The following ROBO2 variants were observed in gnomAD, a reference collection of about 807,000 sequenced individuals.
The protein encoded by ROBO2 is roundabout guidance receptor 2.
A neutral mutation model predicts 160.8 loss-of-function variants in ROBO2; 53 were observed. The observed-to-expected ratio is 0.33, with a 90% CI of 0.26 to 0.41. The LOEUF is 0.41. ROBO2 is among the 10% of genes least tolerant of loss of function. The pLI, the probability that ROBO2 is intolerant of heterozygous loss-of-function variation, is 1.00. For synonymous variants in ROBO2, 664 were observed against 611.7 expected, an observed-to-expected ratio of 1.09 and a Z score of -1.26; for missense variants, 1,577 against 1,722.4, an observed-to-expected ratio of 0.92 and a Z score of 1.49.
chr3:76,215,062 G>A (rs1407861387), intron 2 of ROBO2, among the ~76,000 whole-genome samples: 2 of 152,156 alleles, frequency 1.3e-5, no homozygotes, highest in Admixed American at 1.3e-4. Flanking sequence ...GGTCTGGAGT[G>A]GACCTCCAGC....
At chr3:76,087,876 A>G (rs577411740) in intron 2 of ROBO2, among the ~76,000 whole-genome samples, 4 of 152,142 alleles carry the variant, frequency 2.6e-5, no homozygotes, top group Non-Finnish European at 5.9e-5. Flanking sequence ...CTGTAGGGCA[A>G]TCAATTTTAA....
chr3:76,841,426 C>A (rs552216260), intron 2 of ROBO2, among the ~76,000 whole-genome samples: 1 of 152,266 alleles, frequency 6.6e-6, no homozygotes, highest in African/African-American at 2.4e-5. Context: ...ACAGAATACT[C>A]AGTTGTAGAA....
chr3:77,063,363 T>C (rs2066516490), intron 1 of ROBO2, among the ~76,000 whole-genome samples: 1 of 151,960 alleles, frequency 6.6e-6, no homozygotes, highest in Admixed American at 6.6e-5. Context: ...TAGGAGGAGG[T>C]TGCAGAGGAA....
intron 2 of ROBO2, among the ~76,000 whole-genome samples, chr3:77,303,293 C>T (rs955055025): frequency 9.2e-5 from 14 of 152,158 alleles, no homozygotes; most frequent in African/African-American, 3.1e-4. Flanking sequence ...ACAGAGTGGA[C>T]ACTCCCTAGT....
intron 20 of ROBO2, among the ~76,000 whole-genome samples, chr3:77,604,281 G>T (rs2094485431): frequency 6.6e-6 from 1 of 152,032 alleles, no homozygotes; most frequent in African/African-American, 2.4e-5. Context: ...TTTATAATAA[G>T]TCTCACAATT....
At chr3:76,408,338 AT>A (rs1348578568) in intron 2 of ROBO2, among the ~76,000 whole-genome samples, 3 of 152,020 alleles carry the variant, frequency 2.0e-5, no homozygotes, top group Admixed American at 6.6e-5. Context: ...ACAAAATTAT[AT>A]TTTGTCTGTC....
chr3:76,437,750 G>T (rs2076750864), intron 2 of ROBO2, among the ~76,000 whole-genome samples: 2 of 152,164 alleles, frequency 1.3e-5, no homozygotes, highest in African/African-American at 4.8e-5. Context: ...AATGAAAAAA[G>T]AAGACAAAGA....
chr3:76,649,856 TAACA>T (rs917366812), intron 2 of ROBO2, among the ~76,000 whole-genome samples: 14 of 152,130 alleles, frequency 9.2e-5, no homozygotes, highest in African/African-American at 3.4e-4. Context: ...AAAACCATAT[TAACA>T]AACTGTTTAA....
chr3:76,644,495 T>C (rs1188804980), intron 2 of ROBO2, among the ~76,000 whole-genome samples: 1 of 152,172 alleles, frequency 6.6e-6, no homozygotes, highest in Non-Finnish European at 1.5e-5. Context: ...TTGCCCTCCA[T>C]ATATTATAAC....
At chr3:77,028,984 T>A (rs545531025) in intron 2 of ROBO2, among the ~76,000 whole-genome samples, 1 of 152,250 alleles carries the variant, frequency 6.6e-6, no homozygotes, top group Non-Finnish European at 1.5e-5. Context: ...TTGATCAGCA[T>A]ATCTACTGAT....
At chr3:77,291,318 C>G (rs2061215385) in intron 2 of ROBO2, among the ~76,000 whole-genome samples, 1 of 151,650 alleles carries the variant, frequency 6.6e-6, no homozygotes, top group Non-Finnish European at 1.5e-5. Context: ...ACCGGGAAGG[C>G]TGAGGCTAGA....
In ROBO2 at chr3:77,034,390, A is replaced by AAG. The variant is rs1349331421; in HGVS notation, c.110-63623_110-63622insGA. The stretch of plus-strand genomic sequence containing the variant: ...TAGTATTCTTTGTTAAAAAAAAAAA[A>AAG]AAAAAGAAAACAACTTCAGGTACTC... On this transcript the variant is annotated intron_variant, in intron 2 of 26. Transcript: ENST00000487694. Among the ~76,000 whole-genome samples the AAG allele has an allele frequency of 7.8e-3, 1,175 of 151,552 alleles. 17 individuals carry two copies. Among genetic ancestry groups the AAG allele is most frequent in the African/African-American group, 0.026 (1,075 of 41,420 alleles).
rs141643649 is a variant in ROBO2 at position 76,201,921 on chromosome 3, A to G, written c.109+264319A>G. Among the ~76,000 whole-genome samples the G allele has an allele frequency of 3.0e-3, 456 of 151,898 alleles. 2 individuals are homozygous for G. The highest frequency in any genetic ancestry group is 0.011 in the African/African-American group (440 of 41,422). ...AAAAAAAAAAAAAAAAGAGATTTAA[A>G]GAAACCCTGAATTGTATTCTTCAAA... On this transcript the variant is annotated intron_variant, in intron 2 of 26. Transcript: ENST00000487694.
chr3:76,717,114 A>G (rs1358330488), intron 2 of ROBO2, among the ~76,000 whole-genome samples: 1 of 152,214 alleles, frequency 6.6e-6, no homozygotes, highest in Non-Finnish European at 1.5e-5. Flanking sequence ...TTGTTGCTGT[A>G]TAATTACTCT....
rs556998178 is a variant in ROBO2 at position 76,715,587 on chromosome 3, G to A, written c.110-382427G>A. ...CATGGTCTGTAATGTGATGCAATGC[G>A]AGAATGCTAAATGTGTGTCATGTGG... On this transcript the variant is annotated intron_variant, in intron 2 of 26. Coordinates refer to the ROBO2 transcript ENST00000487694. Among the ~76,000 whole-genome samples, 6 of 152,274 alleles carry A rather than the reference G, an allele frequency of 3.9e-5. No homozygotes were observed. In the South Asian group the frequency reaches 6.2e-4, roughly 16 times the overall value.
rs530057331 is a variant in ROBO2, at chr3:76,800,035, G to A, written c.110-297979G>A. The stretch of plus-strand genomic sequence containing the variant: ...CATAAAAACAGACACAAAGACCAAC[G>A]AAACAGAATAGAGAACCCAGAAATA... On this transcript the variant is annotated intron_variant, in intron 2 of 26. Transcript: ENST00000487694. 2.6e-5 allele frequency among the ~76,000 whole-genome samples: 4 copies of A among 152,166 alleles called. No homozygotes were observed. The East Asian group carries it at 7.7e-4, about 29-fold the overall frequency.
intron 2 of ROBO2, among the ~76,000 whole-genome samples, chr3:76,625,900 G>A (rs1355161262): frequency 6.6e-6 from 1 of 152,030 alleles, no homozygotes; most frequent in African/African-American, 2.4e-5. Context: ...TATTGCCTTT[G>A]GTGTGTTAAA....
intron 1 of ROBO2, among the ~76,000 whole-genome samples, chr3:77,052,758 C>T (rs555884432): frequency 1.3e-5 from 2 of 152,148 alleles, no homozygotes; most frequent in South Asian, 4.1e-4. Context: ...AAACTAAGAA[C>T]GTGATGTTAG....
At chr3:77,509,817 T>C (rs189874588) in intron 5 of ROBO2, among the ~76,000 whole-genome samples, 11 of 152,196 alleles carry the variant, frequency 7.2e-5, no homozygotes, top group African/African-American at 2.4e-4. Flanking sequence ...TTCAAGTAAC[T>C]GTACTAAGTT....
Sources: gnomAD v4.1 joint callset for allele counts (sites outside exome capture counted in the v4.1 genomes callset) on GRCh38, gnomAD v4.1.1 for gene constraint, MANE v1.5 for transcripts, NCBI Gene and HGNC (gene_info 2026-07-23, HGNC 2026-07-21) for gene names.